The following TBK1 variants were observed in gnomAD, a reference collection of about 807,000 sequenced individuals.
The protein encoded by TBK1 is serine/threonine-protein kinase TBK1.
TBK1 carries 37 observed loss-of-function variants against 99.9 expected under a neutral mutation model. The ratio of observed to expected loss-of-function variants is 0.37; its 90% CI spans 0.28 to 0.49. TBK1 has a LOEUF of 0.49. Ranked by LOEUF, TBK1 falls within the 20% of genes least tolerant of loss-of-function variation. The pLI is 0.98. For missense variants in TBK1, 644 were observed against 872.5 expected (o/e 0.74, Z 3.30); for synonymous variants, 258 against 279.8 (o/e 0.92, Z 0.78).
At chr12:64,453,510 A>G (rs953296846) in intron 1 of TBK1, among the ~76,000 whole-genome samples, 1 of 152,188 alleles carries the variant, frequency 6.6e-6, no homozygotes, top group African/African-American at 2.4e-5. Flanking sequence ...AAGTTTATCT[A>G]AATTAGATGG....
In TBK1 at chr12:64,497,930, T is replaced by C. The variant is rs920585465; in HGVS notation, c.2067-38T>C. On this transcript the variant is annotated intron_variant, in intron 19 of 20. Coordinates refer to ENST00000331710, the MANE Select transcript of TBK1 (RefSeq NM_013254.4). ...TAAACATCATTCTAAAACATTTGCATACTGTTTTTGAGCAAAGGTGCTTGT... is the reference window on the plus strand; with the variant it reads ...TAAACATCATTCTAAAACATTTGCACACTGTTTTTGAGCAAAGGTGCTTGT... 3.2e-6 allele frequency: 5 copies of C among 1,556,258 alleles called. No individual in the cohort carries two copies. The Admixed American group carries it at 6.9e-5, about 21-fold the overall frequency.
chr12:64,467,186 A>G, intron 5 of TBK1, 104 bp downstream of exon 5: 1 of 914,506 alleles, frequency 1.1e-6, no homozygotes, highest in African/African-American at 1.7e-5. Flanking sequence ...CATTTTTATG[A>G]CAAAAATTAA....
At chr12:64,464,296 T>C (rs200855825) in intron 3 of TBK1, 38 bp from the exon 4 acceptor site, 8 of 1,516,804 alleles carry the variant, frequency 5.3e-6, no homozygotes, top group Admixed American at 2.1e-5. Flanking sequence ...AAAATTTATT[T>C]TTTATGTTGA....
rs763107940 is a variant in TBK1 at position 64,455,846 on chromosome 12, A to G, written c.-25A>G. ...AATTTTTTTTTTCTCTTAGTATAAC[A>G]AGAGGATTGCCTGATCCAGCCAAGA... is the stretch of plus-strand genomic sequence containing the variant. On this transcript the variant is annotated 5_prime_UTR_variant, in exon 2 of 21. Transcript: ENST00000331710. 8 of 1,584,732 alleles carry G rather than the reference A, an allele frequency of 5.0e-6. No individual in the cohort carries two copies. The highest frequency in any genetic ancestry group is 6.8e-6 in the Non-Finnish European group (8 of 1,168,546).
chr12:64,468,816 A>C (rs1329580218), intron 5 of TBK1, among the ~76,000 whole-genome samples: 1 of 152,136 alleles, frequency 6.6e-6, no homozygotes, highest in Non-Finnish European at 1.5e-5. Context: ...TGATAAAAAG[A>C]AGCAAGCCAG....
At chr12:64,462,250 G>T (rs545168156) in intron 3 of TBK1, among the ~76,000 whole-genome samples, 1 of 152,276 alleles carries the variant, frequency 6.6e-6, no homozygotes, top group Admixed American at 6.5e-5. Context: ...GTAGCCAAGG[G>T]CAAAGCCTGA....
chr12:64,496,656 T>A (rs2136087928), intron 16 of TBK1, among the ~76,000 whole-genome samples: 1 of 152,332 alleles, frequency 6.6e-6, no homozygotes, highest in South Asian at 2.1e-4. Context: ...CTGCCTCATA[T>A]GCTCTGATTA....
intron 3 of TBK1, among the ~76,000 whole-genome samples, chr12:64,463,856 A>G (rs1162928050): frequency 4.3e-5 from 5 of 117,196 alleles, no homozygotes; most frequent in East Asian, 6.6e-4. Context: ...GGAAAATGTT[A>G]GTTTTTTTTT....
At chr12:64,496,241 G>A (rs1018259515) in intron 15 of TBK1, 126 bp from the exon 16 acceptor site, 12 of 415,226 alleles carry the variant, frequency 2.9e-5, no homozygotes, top group African/African-American at 1.2e-4. Flanking sequence ...TAACCAATGA[G>A]CCACAAATCT....
chr12:64,497,408 G>C (rs2040939294), intron 18 of TBK1, 149 bp downstream of exon 18: 2 of 638,074 alleles, frequency 3.1e-6, no homozygotes, highest in South Asian at 5.5e-5. Context: ...TAAGAATGTA[G>C]ATGTTTTACA....
chr12:64,474,507 A>G lies in TBK1; in HGVS notation c.701+117A>G, dbSNP rs1482487652. 8 of 1,011,256 alleles carry G rather than the reference A, an allele frequency of 7.9e-6. No individual in the cohort carries two copies. In the Admixed American group the frequency reaches 1.9e-4, roughly 23 times the overall value. 62.6% of individuals were successfully genotyped at this position (1,011,256 alleles called of 1,614,324 possible). On this transcript the variant is annotated intron_variant, in intron 6 of 20. Coordinates refer to ENST00000331710, the MANE Select transcript of TBK1 (RefSeq NM_013254.4). ...AATTGATTTAACAATCATTTCTGAT[A>G]TTTTAAGCTACCTGGTTTTTAAAAA...
Position 64,493,263 on chromosome 12 carries a change from C to T in TBK1, c.1522-2220C>T, listed in dbSNP as rs562920155. Among the ~76,000 whole-genome samples, 24 of 152,184 alleles carry T rather than the reference C, an allele frequency of 1.6e-4. 2 individuals carry two copies. In the South Asian group the frequency reaches 5.0e-3, roughly 32 times the overall value. The stretch of plus-strand genomic sequence containing the variant: ...AATTTATAAGTAGAAAAAAATACCA[C>T]ATATATTATGCACCCAAAAAATGAT... On this transcript the variant is annotated intron_variant, in intron 13 of 20. Transcript: ENST00000331710.
At chr12:64,469,352 CAAG>C (rs2040638626) in intron 5 of TBK1, among the ~76,000 whole-genome samples, 1 of 151,962 alleles carries the variant, frequency 6.6e-6, no homozygotes, top group Non-Finnish European at 1.5e-5. Flanking sequence ...CAGAATTAGA[CAAG>C]AAGAAATCAC....
At chr12:64,490,147 G>T in intron 13 of TBK1, 28 bp downstream of exon 13, 1 of 1,519,572 alleles carries the variant, frequency 6.6e-7, no homozygotes, top group East Asian at 2.3e-5. Flanking sequence ...TACGAAATTT[G>T]TAAGCTCATA....
At chr12:64,487,126 T>G (rs1357870545) in intron 11 of TBK1, among the ~76,000 whole-genome samples, 1 of 152,224 alleles carries the variant, frequency 6.6e-6, no homozygotes, top group Non-Finnish European at 1.5e-5. Flanking sequence ...TTTTTACCTG[T>G]TTTTTACTTT....
At chr12:64,461,600 C>T (rs112959306) in intron 3 of TBK1, among the ~76,000 whole-genome samples, 1 of 152,108 alleles carries the variant, frequency 6.6e-6, no homozygotes, top group Non-Finnish European at 1.5e-5. Flanking sequence ...TGGAATTAGC[C>T]AAACTCAAGA....
Position 64,495,765 on chromosome 12 carries a change from A to G in TBK1, c.1710A>G (p.Lys570=). The G allele has an allele frequency of 6.3e-7, 1 of 1,583,588 alleles. No individual in the cohort carries two copies. Among genetic ancestry groups the G allele is most frequent in the African/African-American group, 1.4e-5 (1 of 73,350 alleles). Residue 570 remains lysine, a synonymous_variant, in exon 15 of 21, where the codon AAA becomes AAG. Transcript: ENST00000331710. The part of the protein sequence containing the change: ...TEIYYQFKKD[K]AERRLAYNEE... The stretch of plus-strand genomic sequence containing the variant: ...TTTACTATCAGTTCAAAAAAGACAA[A>G]GCAGAACGTAGTAAGTAAAATTTGC...
At chr12:64,468,206 G>T (rs1220624217) in intron 5 of TBK1, among the ~76,000 whole-genome samples, 1 of 151,696 alleles carries the variant, frequency 6.6e-6, no homozygotes, top group Non-Finnish European at 1.5e-5. Context: ...TTAAAAAAAG[G>T]TACCTGGCCC....
chr12:64,457,247 A>C (rs906337921), intron 2 of TBK1, among the ~76,000 whole-genome samples: 1 of 152,142 alleles, frequency 6.6e-6, no homozygotes, highest in African/African-American at 2.4e-5. Context: ...TTGACTATAA[A>C]CACCCTTTAT....
Sources: allele counts gnomAD v4.1 joint callset (sites outside exome capture counted in the v4.1 genomes callset), GRCh38; gene constraint gnomAD v4.1.1; transcripts MANE v1.5; gene names NCBI Gene and HGNC (gene_info 2026-07-23, HGNC 2026-07-21).